AHI1: variants seen among roughly 807,000 people sequenced by gnomAD.
The protein encoded by AHI1 is Abelson helper integration site 1.
Under a neutral mutation model 149.3 loss-of-function variants are expected in AHI1, and 123 were observed. The observed-to-expected ratio is 0.82, with a 90% CI of 0.71 to 0.96. AHI1 has a LOEUF of 0.96. AHI1 is among the 40% of genes least tolerant of loss of function. The pLI, the probability that AHI1 is intolerant of heterozygous loss-of-function variation, is 0.00. For missense variants in AHI1, 1,439 were observed against 1,422.7 expected (o/e 1.01, Z -0.18); for synonymous variants, 475 against 459.8 (o/e 1.03, Z -0.42).
At chr6:135,324,551 C>CATATATATATATATATATATATATATAT (rs3071751) in intron 24 of AHI1, among the ~76,000 whole-genome samples, 1 of 144,812 alleles carries the variant, frequency 6.9e-6, no homozygotes, top group African/African-American at 2.5e-5. Flanking sequence ...GTTATATATA[C>CATATATATATATATATATATATATATAT]ATATATATAT....
intron 20 of AHI1, among the ~76,000 whole-genome samples, chr6:135,418,993 A>G (rs997347954): frequency 1.4e-5 from 2 of 145,740 alleles, no homozygotes; most frequent in Non-Finnish European, 3.0e-5. Context: ...TTCCTCCTTC[A>G]GCTAATCTTG....
intron 5 of AHI1, among the ~76,000 whole-genome samples, chr6:135,472,260 G>C (rs12210034): frequency 6.6e-6 from 1 of 152,018 alleles, no homozygotes; most frequent in Non-Finnish European, 1.5e-5. Context: ...GCCTTGTCTA[G>C]ACTTTCACAT....
chr6:135,299,551 G>A (rs578162102), intron 27 of AHI1, among the ~76,000 whole-genome samples: 2 of 152,244 alleles, frequency 1.3e-5, no homozygotes, highest in East Asian at 3.9e-4. Flanking sequence ...TGTTAGTAAT[G>A]TAATTTGAAT....
At chr6:135,351,139 AAAAAC>A (rs1349883103) in intron 24 of AHI1, among the ~76,000 whole-genome samples, 5 of 148,140 alleles carry the variant, frequency 3.4e-5, no homozygotes, top group African/African-American at 1.3e-4. Context: ...AAAAAACAAA[AAAAAC>A]AAAAAAAAAA....
intron 24 of AHI1, among the ~76,000 whole-genome samples, chr6:135,332,070 G>GTTTT (rs1347099809): frequency 7.3e-6 from 1 of 136,684 alleles, no homozygotes; most frequent in Non-Finnish European, 1.6e-5. Flanking sequence ...TCAGGTTTAG[G>GTTTT]TTTTTTTTTT....
intron 27 of AHI1, among the ~76,000 whole-genome samples, chr6:135,293,015 T>G (rs1236058918): frequency 6.6e-6 from 1 of 152,076 alleles, no homozygotes; most frequent in Non-Finnish European, 1.5e-5. Flanking sequence ...CACATCAAAT[T>G]CAACAAGCAC....
intron 13 of AHI1, among the ~76,000 whole-genome samples, chr6:135,443,894 G>C (rs1343240615): frequency 6.6e-6 from 1 of 152,112 alleles, no homozygotes; most frequent in Admixed American, 6.5e-5. Context: ...TGAAAGAAAT[G>C]TCAGGAGGCT....
chr6:135,362,287 T>C (rs1463586210), intron 23 of AHI1, among the ~76,000 whole-genome samples: 1 of 152,196 alleles, frequency 6.6e-6, no homozygotes, highest in Non-Finnish European at 1.5e-5. Context: ...ACAGTGACTT[T>C]TTTTTCCCTC....
intron 3 of AHI1, among the ~76,000 whole-genome samples, chr6:135,494,571 T>C (rs1324404781): frequency 6.6e-6 from 1 of 152,196 alleles, no homozygotes; most frequent in Non-Finnish European, 1.5e-5. Flanking sequence ...GCAAATAAAA[T>C]ACTAGGCACA....
chr6:135,430,653 T>G (rs1479710782), intron 17 of AHI1, among the ~76,000 whole-genome samples: 5 of 151,916 alleles, frequency 3.3e-5, no homozygotes, highest in Non-Finnish European at 2.9e-5. Context: ...AAATGTACAC[T>G]AACAAAACTG....
At chr6:135,390,187 A>G (rs934078684) in intron 23 of AHI1, among the ~76,000 whole-genome samples, 7 of 152,198 alleles carry the variant, frequency 4.6e-5, no homozygotes, top group Non-Finnish European at 1.0e-4. Flanking sequence ...TTCAGATAAA[A>G]TAACATAGAA....
intron 26 of AHI1, among the ~76,000 whole-genome samples, chr6:135,314,436 C>A (rs1485979068): frequency 6.6e-6 from 1 of 152,174 alleles, no homozygotes; most frequent in Admixed American, 6.5e-5. Context: ...TTTAAGCCAC[C>A]CAGTCTACAT....
intron 24 of AHI1, among the ~76,000 whole-genome samples, chr6:135,347,333 G>A (rs1444773770): frequency 6.6e-6 from 1 of 152,138 alleles, no homozygotes; most frequent in Non-Finnish European, 1.5e-5. Flanking sequence ...TTTCATACAT[G>A]TTAACTGCTG....
intron 23 of AHI1, chr6:135,387,849 T>G (rs1038127939): frequency 6.1e-6 from 9 of 1,483,136 alleles, no homozygotes; most frequent in Non-Finnish European, 7.2e-6. Context: ...ATTGTGTTGA[T>G]TCTGACAATT....
intron 20 of AHI1, among the ~76,000 whole-genome samples, chr6:135,414,112 T>C (rs1377360350): frequency 1.3e-5 from 2 of 152,182 alleles, no homozygotes; most frequent in African/African-American, 2.4e-5. Context: ...AGTTTGCTAC[T>C]GGCATAAAGA....
intron 24 of AHI1, among the ~76,000 whole-genome samples, chr6:135,354,760 T>A (rs1224846316): frequency 6.6e-6 from 1 of 152,204 alleles, no homozygotes; most frequent in Non-Finnish European, 1.5e-5. Flanking sequence ...ACATCATGAT[T>A]ATCTCATGTC....
At position 135,372,433 on chromosome 6, in the gene AHI1, A is replaced by G. The variant is rs114237876; in HGVS notation, c.3110-14246T>C. Among the ~76,000 whole-genome samples the G allele has an allele frequency of 6.5e-3, 978 of 151,444 alleles. 17 individuals carry two copies. Among genetic ancestry groups the G allele is most frequent in the African/African-American group, 0.023 (932 of 41,194 alleles). ...ATGTCTGTAATTCCAGCACTTGGGGAGGCTGAGGCAGAATTGTTTAAGCCC... is the reference window on the plus strand; with the variant it reads ...ATGTCTGTAATTCCAGCACTTGGGGGGGCTGAGGCAGAATTGTTTAAGCCC... On this transcript the variant is annotated intron_variant, in intron 23 of 28. Transcript: ENST00000265602.
At position 135,447,119 on chromosome 6, in the gene AHI1, T is replaced by G; in HGVS notation, c.1668A>C (p.Glu556Asp). 6.2e-7 allele frequency: 1 copy of G among 1,608,594 alleles called. No homozygotes were observed. The highest frequency in any genetic ancestry group is 8.5e-7 in the Non-Finnish European group (1 of 1,177,326). The change falls in exon 13 of 29, where the codon GAA (glutamate) becomes GAC (aspartate). Residue 556 changes from glutamate (E) to aspartate (D), a missense_variant. Coordinates refer to ENST00000265602, the MANE Select transcript of AHI1 (RefSeq NM_001134831.2). ...SYRSMMALQEEKGKPVHCERH... is the reference protein window; with the variant it reads ...SYRSMMALQEDKGKPVHCERH... ...GTTCACAATGCACTGGTTTACCTTT[T>G]TCCTCCTGAAGAGCCATCATAGAGC...
chr6:135,455,711 G>C, intron 10 of AHI1, 23 bp downstream of exon 10: 2 of 1,475,466 alleles, frequency 1.4e-6, no homozygotes, highest in Non-Finnish European at 9.2e-7. Context: ...CGTTTAATTT[G>C]AATTGGTCCA....
Sources: gnomAD v4.1 joint callset for allele counts (sites outside exome capture counted in the v4.1 genomes callset) on GRCh38, gnomAD v4.1.1 for gene constraint, MANE v1.5 for transcripts, NCBI Gene and HGNC (gene_info 2026-07-23, HGNC 2026-07-21) for gene names.